The following SSH2 variants were observed in gnomAD, a reference collection of about 807,000 sequenced individuals.
The protein encoded by SSH2 is slingshot protein phosphatase 2, also known as protein phosphatase Slingshot homolog 2.
Under a neutral mutation model 135.2 loss-of-function variants are expected in SSH2, and 37 were observed. The observed-to-expected ratio is 0.27, with a 90% confidence interval of 0.21 to 0.36. The LOEUF is 0.36. Among genes scored for constraint, SSH2 ranks in the 10% least tolerant of loss-of-function variants. The pLI is 1.00. For missense variants in SSH2, 1,408 were observed against 1,765.3 expected (o/e 0.80, Z 3.63); for synonymous variants, 628 against 646.2 (o/e 0.97, Z 0.43).
chr17:29,671,372 A>T (rs2037487194), intron 9 of SSH2, among the ~76,000 whole-genome samples: 1 of 152,066 alleles, frequency 6.6e-6, no homozygotes, highest in Non-Finnish European at 1.5e-5. Context: ...AGTCCCAGGT[A>T]CTTTGCAGGC....
At chr17:29,926,822 T>C (rs1176446222) in intron 1 of SSH2, among the ~76,000 whole-genome samples, 1 of 152,162 alleles carries the variant, frequency 6.6e-6, no homozygotes, top group Non-Finnish European at 1.5e-5. Flanking sequence ...TCACTTGCAA[T>C]ACTCTCTTCT....
At chr17:29,725,641 C>A (rs529841704) in intron 3 of SSH2, among the ~76,000 whole-genome samples, 5 of 152,262 alleles carry the variant, frequency 3.3e-5, no homozygotes, top group African/African-American at 1.2e-4. Flanking sequence ...AACAAACTAA[C>A]ACAGGAACAG....
intron 1 of SSH2, among the ~76,000 whole-genome samples, chr17:29,869,928 A>C (rs2065911955): frequency 6.6e-6 from 1 of 152,152 alleles, no homozygotes; most frequent in Non-Finnish European, 1.5e-5. Flanking sequence ...GATCCTAGAA[A>C]AAAACCTGGA....
At chr17:29,737,440 T>A (rs1036167924) in intron 3 of SSH2, among the ~76,000 whole-genome samples, 36 of 152,164 alleles carry the variant, frequency 2.4e-4, no homozygotes, top group African/African-American at 8.7e-4. Context: ...TGTGACTTGG[T>A]CTTTTTTTGT....
At chr17:29,925,705 TAA>T (rs201893535) in intron 1 of SSH2, 425 of 327,906 alleles carry the variant, frequency 1.3e-3, no homozygotes, top group East Asian at 1.8e-3. Flanking sequence ...AGACCCCATC[TAA>T]AAAAAAAAAA....
chr17:29,930,134 G>A lies in SSH2; in HGVS notation c.-134C>T, dbSNP rs1490319730. 1 of 828,864 alleles carries A rather than the reference G, an allele frequency of 1.2e-6. No individual in the cohort carries two copies. Among genetic ancestry groups the A allele is most frequent in the Non-Finnish European group, 1.9e-6 (1 of 534,972 alleles). 51.3% of individuals were successfully genotyped at this position (828,864 alleles called of 1,614,324 possible). ...AACGGGGAGGAGGAGGAGGCCGCGG[G>A]AACGGCCGCAGACTCCGCACCCACC... On this transcript the variant is annotated 5_prime_UTR_variant, in exon 1 of 16. Coordinates refer to ENST00000540801, the MANE Select transcript of SSH2 (RefSeq NM_001282129.2).
At chr17:29,770,021 C>T (rs1206818105) in intron 3 of SSH2, among the ~76,000 whole-genome samples, 7 of 151,572 alleles carry the variant, frequency 4.6e-5, no homozygotes, top group Non-Finnish European at 1.5e-5. Flanking sequence ...TAATCCTCAA[C>T]TTCATCCTTT....
chr17:29,923,387 C>T (rs957669807), intron 1 of SSH2, among the ~76,000 whole-genome samples: 1 of 151,708 alleles, frequency 6.6e-6, no homozygotes, highest in East Asian at 1.9e-4. Flanking sequence ...GGGAGGCTGT[C>T]GTGAGAGGAT....
chr17:29,733,516 A>G (rs2151191579), intron 3 of SSH2, among the ~76,000 whole-genome samples: 1 of 152,362 alleles, frequency 6.6e-6, no homozygotes, highest in African/African-American at 2.4e-5. Flanking sequence ...AGGTTTTCTA[A>G]TGTCACTAAA....
intron 1 of SSH2, among the ~76,000 whole-genome samples, chr17:29,852,978 C>A (rs2065591950): frequency 6.6e-6 from 1 of 151,712 alleles, no homozygotes; most frequent in African/African-American, 2.4e-5. Flanking sequence ...CTAAACTACA[C>A]AATTATTTAA....
At chr17:29,786,430 C>T (rs908330483) in intron 3 of SSH2, among the ~76,000 whole-genome samples, 1 of 152,182 alleles carries the variant, frequency 6.6e-6, no homozygotes, top group African/African-American at 2.4e-5. Context: ...CAGAAAGTCC[C>T]TGTTCCCCCT....
At position 29,631,607 on chromosome 17, in the gene SSH2, G is replaced by A. The variant is rs777031709; in HGVS notation, c.3587C>T (p.Ser1196Phe). 6.2e-7 allele frequency: 1 copy of A among 1,614,044 alleles called. No individual in the cohort carries two copies. Among genetic ancestry groups the A allele is most frequent in the African/African-American group, 1.3e-5 (1 of 74,918 alleles). The change falls in exon 16 of 16, where the codon TCC becomes TTC. Residue 1196 changes from serine (S) to phenylalanine (F), a missense_variant. Physicochemically the swap from Ser to Phe is radical, Grantham distance 155. Around this residue, in one of 3 missense-constraint regions of SSH2, gnomAD observed 1,080 missense variants for 1,144.5 expected, o/e 0.94. Transcript: ENST00000540801. ...SWEESQESPL[S>F]SGSEVPYKDS... The stretch of plus-strand genomic sequence containing the variant: ...CTTATATGGCACCTCACTGCCACTG[G>A]AGAGAGGGCTCTCCTGACTTTCTTC...
chr17:29,644,067 TAC>T (rs1234358516), intron 14 of SSH2, among the ~76,000 whole-genome samples: 1 of 152,236 alleles, frequency 6.6e-6, no homozygotes, highest in Non-Finnish European at 1.5e-5. Context: ...ACTGAGCCAC[TAC>T]AGAGACTACT....
chr17:29,785,907 C>A (rs1320049686), intron 3 of SSH2, among the ~76,000 whole-genome samples: 2 of 151,384 alleles, frequency 1.3e-5, no homozygotes, highest in Non-Finnish European at 2.9e-5. Context: ...TGGGTTCACA[C>A]CATTCTCCTG....
chr17:29,679,926 CT>C (rs898643746), intron 6 of SSH2, among the ~76,000 whole-genome samples: 1 of 152,000 alleles, frequency 6.6e-6, no homozygotes, highest in East Asian at 1.9e-4. Context: ...AGTATTACAA[CT>C]TTTTTTTAAA....
chr17:29,761,224 G>GCAGGTGCAAGCGAGGGGCGCCTT (rs1388090476), intron 3 of SSH2: 42 of 1,288,230 alleles, frequency 3.3e-5, no homozygotes, highest in Non-Finnish European at 4.0e-5. Context: ...CACCGAGGCT[G>GCAGGTGCAAGCGAGGGGCGCCTT]CAGGTGCAAG....
At chr17:29,856,296 C>A in intron 1 of SSH2, 1 of 255,254 alleles carries the variant, frequency 3.9e-6, no homozygotes. Flanking sequence ...ATCTGTATGT[C>A]ACTGAAAAAG....
chr17:29,684,453 G>C, intron 6 of SSH2, 110 bp downstream of exon 6: 1 of 1,085,618 alleles, frequency 9.2e-7, no homozygotes, highest in South Asian at 1.6e-5. Flanking sequence ...CTCTAGTCTG[G>C]GCAACAGAGT....
chr17:29,662,764 T>G (rs2037104257), intron 11 of SSH2, among the ~76,000 whole-genome samples: 1 of 152,202 alleles, frequency 6.6e-6, no homozygotes, highest in East Asian at 1.9e-4. Context: ...AGCTATTTTT[T>G]CCTGATCCTC....
Sources: allele counts gnomAD v4.1 joint callset (sites outside exome capture counted in the v4.1 genomes callset), GRCh38; gene constraint gnomAD v4.1.1; regional missense constraint gnomAD v4.1.1; transcripts MANE v1.5; gene names NCBI Gene and HGNC (gene_info 2026-07-23, HGNC 2026-07-21).